The following RUNDC3A variants were observed in gnomAD, a reference collection of about 807,000 sequenced individuals.
RUNDC3A encodes the protein RUN domain-containing protein 3A.
RUNDC3A carries 28 observed loss-of-function variants against 53.9 expected under a neutral mutation model. The observed-to-expected ratio is 0.52, with a 90% CI of 0.38 to 0.71. The LOEUF (loss-of-function observed/expected upper bound fraction) is 0.71, where lower values mean the gene tolerates loss of function less well. Among genes scored for constraint, RUNDC3A ranks in the 30% least tolerant of loss-of-function variants. The pLI is 0.00. For synonymous variants in RUNDC3A, 232 were observed against 249.4 expected (o/e 0.93, Z 0.66); for missense variants, 491 against 597.3 (o/e 0.82, Z 1.85).
In RUNDC3A at chr17:44,308,703, A is replaced by C; in HGVS notation, c.-130A>C. 2 of 486,154 alleles carry C rather than the reference A, an allele frequency of 4.1e-6. No homozygotes were observed. 30.1% of individuals were successfully genotyped at this position (486,154 alleles called of 1,614,324 possible). ...GGGGCCGGGCACCGGGCGCAAAGGCAGGGGGATGGCCATGGAAGGGTTGAG... is the reference window on the plus strand; with the variant it reads ...GGGGCCGGGCACCGGGCGCAAAGGCCGGGGGATGGCCATGGAAGGGTTGAG... On this transcript the variant is annotated 5_prime_UTR_variant, in exon 1 of 11. Transcript: ENST00000426726.
At position 44,314,748 on chromosome 17, in the gene RUNDC3A, T is replaced by C. The variant is rs760082395; in HGVS notation, c.472T>C (p.Ser158Pro). The C allele has an allele frequency of 1.3e-6, 2 of 1,571,440 alleles. No homozygotes were observed. Among genetic ancestry groups the C allele is most frequent in the Non-Finnish European group, 1.7e-6 (2 of 1,155,878 alleles). ...DTRTTRRFYD[S>P]GAIMLRDEAT... ...GCCTCCCCACAGACGGTTCTATGAC[T>C]CTGGAGCCATCATGCTGCGGGATGA... The change falls in exon 5 of 11, where the codon TCT becomes CCT. Residue 158 changes from serine to proline, a missense_variant. This residue lies in a region of RUNDC3A where 273 missense variants were observed against 389.0 expected (regional missense o/e 0.70). Coordinates refer to ENST00000426726, the MANE Select transcript of RUNDC3A (RefSeq NM_001144825.2).
intron 3 of RUNDC3A, 76 bp downstream of exon 3, chr17:44,313,328 T>G: frequency 1.9e-6 from 3 of 1,607,882 alleles, no homozygotes; most frequent in Non-Finnish European, 2.6e-6. Context: ...TTTTGCCCCC[T>G]GTGCACAGCC....
At position 44,317,189 on chromosome 17, in the gene RUNDC3A, T is replaced by G. The variant is rs1598332297; in HGVS notation, c.1198+464T>G. The G allele has an allele frequency of 1.7e-5, 9 of 537,690 alleles. No homozygotes were observed. In the East Asian group the frequency reaches 2.9e-4, roughly 17 times the overall value. 33.3% of individuals were successfully genotyped at this position (537,690 alleles called of 1,614,324 possible). ...GGGTTTAGCACAGCAATCGAGAGCTTACTTTGAGGTGGCAGAACACAGCAT... is the reference window on the plus strand; with the variant it reads ...GGGTTTAGCACAGCAATCGAGAGCTGACTTTGAGGTGGCAGAACACAGCAT... On this transcript the variant is annotated intron_variant, in intron 10 of 10. Transcript: ENST00000426726.
At chr17:44,312,267 C>T (rs2144677511) in intron 1 of RUNDC3A, among the ~76,000 whole-genome samples, 1 of 152,264 alleles carries the variant, frequency 6.6e-6, no homozygotes, top group East Asian at 1.9e-4. Flanking sequence ...GCCTCATCTT[C>T]CTATTTTTTC....
chr17:44,311,210 G>A (rs1339192185), intron 1 of RUNDC3A: 11 of 985,592 alleles, frequency 1.1e-5, no homozygotes, highest in Non-Finnish European at 1.3e-5. Flanking sequence ...GGGCTCAGCT[G>A]TGCAATTGGC....
At chr17:44,314,712 T>G in intron 4 of RUNDC3A, 23 bp from the exon 5 acceptor site, 2 of 1,301,750 alleles carry the variant, frequency 1.5e-6, no homozygotes, top group Non-Finnish European at 2.1e-6. Context: ...TGCTGCATCC[T>G]CTGGCCCTCT....
intron 1 of RUNDC3A, among the ~76,000 whole-genome samples, chr17:44,309,185 C>A (rs946425931): frequency 2.6e-5 from 4 of 151,910 alleles, no homozygotes; most frequent in Admixed American, 2.0e-4. Flanking sequence ...TTAATTGGTA[C>A]TGTAGCTTCC....
At chr17:44,313,380 C>T (rs1326570505) in intron 3 of RUNDC3A, 38 bp from the exon 4 acceptor site, 1 of 1,613,162 alleles carries the variant, frequency 6.2e-7, no homozygotes, top group Non-Finnish European at 8.5e-7. Context: ...CACATGAGTC[C>T]CTCTGGGGCA....
At chr17:44,312,546 C>A in intron 1 of RUNDC3A, 34 bp from the exon 2 acceptor site, 1 of 1,250,630 alleles carries the variant, frequency 8.0e-7, no homozygotes, top group Non-Finnish European at 1.1e-6. Context: ...TCACCTGACA[C>A]CCCACTGCCC....
chr17:44,309,881 G>C (rs1236105023), intron 1 of RUNDC3A: 1 of 152,806 alleles, frequency 6.5e-6, no homozygotes, highest in Non-Finnish European at 1.5e-5. Flanking sequence ...GATGCCCTGA[G>C]GCCCACTAGT....
chr17:44,314,392 C>T (rs2047810726), intron 4 of RUNDC3A: 1 of 1,140,412 alleles, frequency 8.8e-7, no homozygotes, highest in South Asian at 2.6e-5. Flanking sequence ...CCTCAGTCTA[C>T]ACGTTTCAAG....
chr17:44,317,353 GTTT>G (rs1262067421), intron 10 of RUNDC3A: 2 of 725,132 alleles, frequency 2.8e-6, no homozygotes, highest in East Asian at 2.6e-5. Flanking sequence ...GGGCTCAGTG[GTTT>G]TTTAGTGTCA....
intron 4 of RUNDC3A, chr17:44,313,750 C>A: frequency 8.6e-7 from 1 of 1,166,946 alleles, no homozygotes; most frequent in Non-Finnish European, 1.1e-6. Context: ...GGCGCGATCT[C>A]GGCTCACTGC....
At chr17:44,311,882 C>T (rs1236871808) in intron 1 of RUNDC3A, among the ~76,000 whole-genome samples, 1 of 152,094 alleles carries the variant, frequency 6.6e-6, no homozygotes, top group African/African-American at 2.4e-5. Flanking sequence ...CCCCCTCCTG[C>T]CCAGTGTCTG....
chr17:44,313,086 C>A lies in RUNDC3A; in HGVS notation c.224-18C>A. ...AAACTCCCTGGTCTTGCTGAGCCCC[C>A]TCCCTGCCCTGGCTCAGCCTGTGCC... On this transcript the variant is annotated intron_variant, in intron 2 of 10. Coordinates refer to ENST00000426726, the MANE Select transcript of RUNDC3A (RefSeq NM_001144825.2). The A allele has an allele frequency of 6.2e-7, 1 of 1,612,032 alleles. No individual in the cohort carries two copies. Among genetic ancestry groups the A allele is most frequent in the East Asian group, 2.2e-5 (1 of 44,788 alleles).
At chr17:44,314,706 G>A (rs774995246) in intron 4 of RUNDC3A, 29 bp from the exon 5 acceptor site, 70 of 1,563,736 alleles carry the variant, frequency 4.5e-5, no homozygotes, top group Non-Finnish European at 6.1e-5. Context: ...GGGGCCTGCT[G>A]CATCCTCTGG....
chr17:44,317,257 T>C, intron 10 of RUNDC3A: 5 of 608,960 alleles, frequency 8.2e-6, no homozygotes, highest in East Asian at 2.8e-5. Flanking sequence ...CCTCTGACCA[T>C]GTGAGCTTGG....
intron 4 of RUNDC3A, chr17:44,314,438 C>T (rs1344933538): frequency 7.6e-7 from 1 of 1,311,302 alleles, no homozygotes; most frequent in African/African-American, 1.5e-5. Context: ...GTATACCAAG[C>T]ACTAATGATT....
Position 44,312,633 on chromosome 17 carries a change from C to T in RUNDC3A, c.161C>T (p.Ser54Leu). ...TACACAGCGGAGCCCATCGATGACT[C>T]ATCGGAGGAGTTTGTCAATTTTGCA... ...EKYTAEPIDD[S>L]SEEFVNFAAI... Residue 54 changes from serine (S) to leucine (L), a missense_variant, in exon 2 of 11, where the codon TCA (serine) becomes TTA (leucine). This residue lies in a region of RUNDC3A where 273 missense variants were observed against 389.0 expected (regional missense o/e 0.70). Transcript: ENST00000426726. 1 of 1,588,044 alleles carries T rather than the reference C, an allele frequency of 6.3e-7. No homozygotes were observed. Among genetic ancestry groups the T allele is most frequent in the South Asian group, 1.2e-5 (1 of 86,638 alleles).
Sources: gnomAD v4.1 joint callset for allele counts (sites outside exome capture counted in the v4.1 genomes callset) on GRCh38, gnomAD v4.1.1 for gene constraint, gnomAD v4.1.1 regional missense constraint, MANE v1.5 for transcripts, NCBI Gene and HGNC (gene_info 2026-07-23, HGNC 2026-07-21) for gene names.